The following RHBDD1 variants were observed in gnomAD, a reference collection of about 807,000 sequenced individuals.
RHBDD1 encodes the protein rhomboid domain containing 1, also known as rhomboid-related protein 4.
A neutral mutation model predicts 36.3 loss-of-function variants in RHBDD1; 38 were observed. That is an observed-to-expected ratio of 1.05 (90% CI 0.81 to 1.37). The LOEUF is 1.37. RHBDD1 is among the 40% of genes most tolerant of loss of function. The probability of loss-of-function intolerance (pLI) is 0.00; values close to 1 mark genes in which losing one functional copy is unlikely to be tolerated. For synonymous variants in RHBDD1, 151 were observed against 136.5 expected, an observed-to-expected ratio of 1.11 and a Z score of -0.74; for missense variants, 393 against 377.6, an observed-to-expected ratio of 1.04 and a Z score of -0.34.
the RHBDD1 span, among the ~76,000 whole-genome samples, chr2:226,801,829 G>T: frequency 6.6e-6 from 1 of 151,942 alleles, no homozygotes; most frequent in African/African-American, 2.4e-5. Flanking sequence ...CCCTAGACAA[G>T]AAAAAAGAGA....
chr2:226,829,710 G>C, the RHBDD1 span, among the ~76,000 whole-genome samples: 1 of 152,114 alleles, frequency 6.6e-6, no homozygotes, highest in African/African-American at 2.4e-5. Flanking sequence ...CTGAGACTGT[G>C]CTAAACTTAT....
At chr2:226,885,519 G>C (rs1559231827) in intron 5 of RHBDD1, among the ~76,000 whole-genome samples, 1 of 151,910 alleles carries the variant, frequency 6.6e-6, no homozygotes, top group Non-Finnish European at 1.5e-5. Context: ...AGTAGGCTTA[G>C]AAAACACAAT....
intron 3 of RHBDD1, among the ~76,000 whole-genome samples, chr2:226,862,621 T>C (rs1943953653): frequency 6.6e-6 from 1 of 152,256 alleles, no homozygotes; most frequent in African/African-American, 2.4e-5. Context: ...CTTTAGTCTG[T>C]GTCTCTGCCT....
At chr2:226,971,208 TG>T (rs1399213442) in intron 8 of RHBDD1, among the ~76,000 whole-genome samples, 3 of 152,206 alleles carry the variant, frequency 2.0e-5, no homozygotes, top group African/African-American at 7.2e-5. Flanking sequence ...CATTCACTCC[TG>T]TTTCCCTCCT....
At chr2:226,875,883 G>A (rs72965998) in intron 5 of RHBDD1, among the ~76,000 whole-genome samples, 5,091 of 152,312 alleles carry the variant, frequency 0.033, 116 homozygotes, top group Non-Finnish European at 0.051. Context: ...AGCTCATGTG[G>A]TGTTCTGTGT....
rs140318164 is a variant in RHBDD1 at position 226,875,859 on chromosome 2, G to A, written c.566+8541G>A. On this transcript the variant is annotated intron_variant, in intron 5 of 8. Coordinates refer to ENST00000392062, the MANE Select transcript of RHBDD1 (RefSeq NM_001167608.3). Reference sequence around the variant, plus strand: ...GATGTATCCTGAAACAGGGCTTCCTGGTCAGTAGACTTCAGCTCATGTGGT... The same window carrying A: ...GATGTATCCTGAAACAGGGCTTCCTAGTCAGTAGACTTCAGCTCATGTGGT... Among the ~76,000 whole-genome samples the A allele has an allele frequency of 2.7e-3, 412 of 152,304 alleles. 5 individuals are homozygous for A. Among genetic ancestry groups the A allele is most frequent in the African/African-American group, 9.3e-3 (386 of 41,556 alleles).
At chr2:226,806,961 C>A in the RHBDD1 span, among the ~76,000 whole-genome samples, 1 of 152,170 alleles carries the variant, frequency 6.6e-6, no homozygotes, top group Non-Finnish European at 1.5e-5. Flanking sequence ...TCGAGTTTAC[C>A]TAAGATTATT....
chr2:226,817,445 T>C, the RHBDD1 span, among the ~76,000 whole-genome samples: 1 of 152,188 alleles, frequency 6.6e-6, no homozygotes, highest in African/African-American at 2.4e-5. Context: ...ACACTGATAC[T>C]CAGCAGGGAA....
the RHBDD1 span, among the ~76,000 whole-genome samples, chr2:226,810,694 A>G: frequency 6.6e-6 from 1 of 152,040 alleles, no homozygotes; most frequent in African/African-American, 2.4e-5. Flanking sequence ...GAAGAAGAAG[A>G]GGGCTTGGTC....
chr2:226,967,274 A>G (rs1952710243), intron 8 of RHBDD1, among the ~76,000 whole-genome samples: 1 of 152,222 alleles, frequency 6.6e-6, no homozygotes, highest in South Asian at 2.1e-4. Flanking sequence ...TGATCTGGTA[A>G]CAAACTGTGT....
chr2:226,808,804 C>T, the RHBDD1 span, among the ~76,000 whole-genome samples: 1 of 151,840 alleles, frequency 6.6e-6, no homozygotes, highest in African/African-American at 2.4e-5. Flanking sequence ...TCAAAGTAGA[C>T]ATGAGCCCAC....
intron 3 of RHBDD1, among the ~76,000 whole-genome samples, chr2:226,849,463 G>A (rs897975719): frequency 5.9e-5 from 9 of 152,230 alleles, no homozygotes; most frequent in Non-Finnish European, 1.3e-4. Context: ...AATTGAATGG[G>A]TTGGTGGAGG....
intron 8 of RHBDD1, among the ~76,000 whole-genome samples, chr2:226,952,099 G>T (rs193292400): frequency 3.3e-5 from 5 of 152,178 alleles, no homozygotes; most frequent in African/African-American, 1.2e-4. Context: ...AGATGGTAGC[G>T]TGCAGCCCAA....
At chr2:226,893,283 G>A (rs535665704) in intron 5 of RHBDD1, among the ~76,000 whole-genome samples, 4 of 152,236 alleles carry the variant, frequency 2.6e-5, no homozygotes, top group South Asian at 2.1e-4. Flanking sequence ...ATAAACAGTC[G>A]AACTTCTCTT....
At chr2:226,951,561 T>C (rs1278505466) in intron 8 of RHBDD1, among the ~76,000 whole-genome samples, 1 of 152,218 alleles carries the variant, frequency 6.6e-6, no homozygotes, top group Admixed American at 6.5e-5. Context: ...GGAACTTCAC[T>C]GTAGAGTTCA....
chr2:226,945,363 T>C (rs573839302), intron 8 of RHBDD1, among the ~76,000 whole-genome samples: 4 of 152,138 alleles, frequency 2.6e-5, no homozygotes, highest in African/African-American at 9.6e-5. Context: ...CTTATGTCCA[T>C]GTGTTCTCAT....
chr2:226,982,632 T>C (rs1379577662), intron 8 of RHBDD1, among the ~76,000 whole-genome samples: 1 of 152,210 alleles, frequency 6.6e-6, no homozygotes, highest in Non-Finnish European at 1.5e-5. Flanking sequence ...TGAATTGTGT[T>C]CCAAAGTATA....
At chr2:226,914,543 G>A (rs1304137798) in intron 8 of RHBDD1, 192 bp downstream of exon 8, 1 of 514,900 alleles carries the variant, frequency 1.9e-6, no homozygotes, top group African/African-American at 1.9e-5. Context: ...AGCTAATAAG[G>A]TGCCAGACTG....
At chr2:226,896,569 C>T (rs916636031) in intron 5 of RHBDD1, among the ~76,000 whole-genome samples, 1 of 152,180 alleles carries the variant, frequency 6.6e-6, no homozygotes, top group Admixed American at 6.5e-5. Flanking sequence ...TACCTGTCTT[C>T]TGCTTAATTT....
Sources: gnomAD v4.1 joint callset for allele counts (sites outside exome capture counted in the v4.1 genomes callset) on GRCh38, gnomAD v4.1.1 for gene constraint, MANE v1.5 for transcripts, NCBI Gene and HGNC (gene_info 2026-07-23, HGNC 2026-07-21) for gene names.